Variants in NAV3 observed in about 807,000 individuals in gnomAD.
NAV3 encodes pore membrane and/or filament interacting like protein 1.
NAV3 carries 87 observed loss-of-function variants against 244.7 expected under a neutral mutation model. The ratio of observed to expected loss-of-function variants is 0.36; its 90% CI spans 0.30 to 0.42. The LOEUF (loss-of-function observed/expected upper bound fraction) is 0.42. Ranked by LOEUF, NAV3 falls within the 20% of genes least tolerant of loss-of-function variation. The pLI is 1.00. For missense variants in NAV3, 2,663 were observed against 2,893.3 expected, an observed-to-expected ratio of 0.92 and a Z score of 1.83; for synonymous variants, 1,126 against 1,042.2, an observed-to-expected ratio of 1.08 and a Z score of -1.55.
intron 2 of NAV3, among the ~76,000 whole-genome samples, chr12:77,707,035 C>T (rs546844343): frequency 1.3e-5 from 2 of 151,682 alleles, no homozygotes; most frequent in African/African-American, 4.8e-5. Flanking sequence ...CAAGACCCAG[C>T]TTGAATTGCT....
intron 1 of NAV3, among the ~76,000 whole-genome samples, chr12:77,852,377 A>G (rs1189383886): frequency 6.6e-6 from 1 of 152,120 alleles, no homozygotes; most frequent in Non-Finnish European, 1.5e-5. Context: ...TCTACTAAAA[A>G]TACAAAACTT....
chr12:78,011,366 A>G (rs953972037), intron 8 of NAV3, among the ~76,000 whole-genome samples: 6 of 152,200 alleles, frequency 3.9e-5, no homozygotes, highest in African/African-American at 1.2e-4. Flanking sequence ...AGCTCAGTCT[A>G]CTAAGGGTAG....
intron 23 of NAV3, among the ~76,000 whole-genome samples, chr12:78,160,307 G>A (rs1957474079): frequency 6.6e-6 from 1 of 151,908 alleles, no homozygotes; most frequent in Non-Finnish European, 1.5e-5. Flanking sequence ...TTACTTCTCT[G>A]CTGTTAGTCC....
chr12:78,113,464 A>G (rs939162073), intron 12 of NAV3, among the ~76,000 whole-genome samples: 3 of 152,200 alleles, frequency 2.0e-5, no homozygotes, highest in Non-Finnish European at 2.9e-5. Context: ...CCAGACCTCA[A>G]TTGTTGACTT....
rs116419505 is a variant in NAV3, at chr12:78,164,984, G to A, written c.4870-3771G>A. 5.8e-3 allele frequency among the ~76,000 whole-genome samples: 882 copies of A among 152,102 alleles called. 9 individuals are homozygous for A. Among genetic ancestry groups the A allele is most frequent in the African/African-American group, 0.02 (838 of 41,530 alleles). ...GGTTGGAAAGGCCACCAGGAAAGGC[G>A]AATATTCTGACACAAAATTTGATCA... On this transcript the variant is annotated intron_variant, in intron 23 of 39. Transcript: ENST00000397909.
chr12:77,839,785 G>T (rs1290653987), intron 1 of NAV3, among the ~76,000 whole-genome samples: 1 of 152,162 alleles, frequency 6.6e-6, no homozygotes, highest in Non-Finnish European at 1.5e-5. Context: ...ACCAGGTCTT[G>T]AAGGTTAAGC....
intron 2 of NAV3, among the ~76,000 whole-genome samples, chr12:77,599,245 A>T (rs1870310914): frequency 6.6e-6 from 1 of 151,986 alleles, no homozygotes; most frequent in Admixed American, 6.6e-5. Context: ...CATTGATACT[A>T]TCTATATTAT....
intron 2 of NAV3, among the ~76,000 whole-genome samples, chr12:77,706,800 G>A (rs1296999649): frequency 7.0e-6 from 1 of 143,778 alleles, no homozygotes; most frequent in Admixed American, 7.1e-5. Flanking sequence ...GAGCCCGGGA[G>A]GCGGAGCTTG....
intron 2 of NAV3, among the ~76,000 whole-genome samples, chr12:77,688,190 A>G (rs530281109): frequency 6.6e-6 from 1 of 152,150 alleles, no homozygotes; most frequent in African/African-American, 2.4e-5. Flanking sequence ...GTTAAAAAAA[A>G]ATTTAAAATT....
chr12:78,065,340 G>A (rs537131506), intron 12 of NAV3, among the ~76,000 whole-genome samples: 11 of 152,220 alleles, frequency 7.2e-5, no homozygotes, highest in African/African-American at 2.2e-4. Flanking sequence ...GCCTGAGGCC[G>A]ATTATGACAG....
At chr12:77,754,019 A>T (rs1868996746) in intron 2 of NAV3, among the ~76,000 whole-genome samples, 1 of 152,184 alleles carries the variant, frequency 6.6e-6, no homozygotes. Context: ...TAGGCTAGGT[A>T]TGCCCAAGTT....
At chr12:77,936,561 C>T (rs986990072) in intron 1 of NAV3, among the ~76,000 whole-genome samples, 17 of 152,120 alleles carry the variant, frequency 1.1e-4, no homozygotes, top group African/African-American at 4.1e-4. Context: ...CCAATTTCTT[C>T]ACTAAAAAAA....
At chr12:77,866,474 C>T (rs1252184798) in intron 1 of NAV3, among the ~76,000 whole-genome samples, 1 of 152,184 alleles carries the variant, frequency 6.6e-6, no homozygotes, top group African/African-American at 2.4e-5. Context: ...TCAGAAGACT[C>T]ACATGATCCA....
At chr12:77,609,172 C>T (rs1870800890) in intron 2 of NAV3, among the ~76,000 whole-genome samples, 1 of 152,048 alleles carries the variant, frequency 6.6e-6, no homozygotes, top group South Asian at 2.1e-4. Context: ...CAATTCTATG[C>T]ATGGGTGTCA....
At chr12:77,852,196 G>A (rs1210526453) in intron 1 of NAV3, among the ~76,000 whole-genome samples, 1 of 152,210 alleles carries the variant, frequency 6.6e-6, no homozygotes, top group East Asian at 1.9e-4. Context: ...TTCACGTGTG[G>A]TAATGGATAA....
intron 2 of NAV3, among the ~76,000 whole-genome samples, chr12:77,784,016 A>T (rs893635668): frequency 3.9e-5 from 6 of 152,156 alleles, no homozygotes; most frequent in Non-Finnish European, 5.9e-5. Flanking sequence ...GGTGATATCA[A>T]CTTGTGTGAA....
intron 2 of NAV3, among the ~76,000 whole-genome samples, chr12:77,797,524 G>GTTT (rs33912743): frequency 2.0e-5 from 2 of 100,574 alleles, no homozygotes; most frequent in Admixed American, 1.1e-4. Flanking sequence ...TCTTTAAAAA[G>GTTT]TTTTTTTTTT....
chr12:77,874,490 C>A (rs1275740082), intron 1 of NAV3, among the ~76,000 whole-genome samples: 1 of 152,028 alleles, frequency 6.6e-6, no homozygotes, highest in Non-Finnish European at 1.5e-5. Context: ...GGATTACAGG[C>A]ATGATTCAGT....
chr12:77,721,130 A>G (rs74610400), intron 2 of NAV3, among the ~76,000 whole-genome samples: 76 of 152,268 alleles, frequency 5.0e-4, no homozygotes, highest in Non-Finnish European at 7.6e-4. Flanking sequence ...CTGAGAAGCT[A>G]GGACTATTCA....
Sources: allele counts gnomAD v4.1 joint callset (sites outside exome capture counted in the v4.1 genomes callset), GRCh38; gene constraint gnomAD v4.1.1; transcripts MANE v1.5; gene names NCBI Gene and HGNC (gene_info 2026-07-23, HGNC 2026-07-21).